MC2R: variants seen among roughly 807,000 people sequenced by gnomAD.
The protein encoded by MC2R is adrenocorticotropic hormone receptor.
MC2R carries 9 observed loss-of-function variants against 9.8 expected under a neutral mutation model. The ratio of observed to expected loss-of-function variants is 0.92; its 90% CI spans 0.55 to 1.60. MC2R has a LOEUF of 1.60. MC2R is among the 40% of genes most tolerant of loss of function. MC2R has a pLI of 0.00. For synonymous variants in MC2R, 185 were observed against 154.7 expected, an observed-to-expected ratio of 1.20 and a Z score of -1.45; for missense variants, 370 against 389.0, an observed-to-expected ratio of 0.95 and a Z score of 0.41.
intron 1 of MC2R, among the ~76,000 whole-genome samples, chr18:13,892,805 T>TACACACACACACAAACAC (rs1249337026): frequency 2.0e-5 from 3 of 147,106 alleles, no homozygotes; most frequent in African/African-American, 7.6e-5. Context: ...CATAATCTGT[T>TACACACACACACAAACAC]ACACACACAC....
At chr18:13,900,283 G>A (rs2045371347) in intron 1 of MC2R, among the ~76,000 whole-genome samples, 1 of 151,766 alleles carries the variant, frequency 6.6e-6, no homozygotes, top group African/African-American at 2.4e-5. Context: ...CCAAAAGCAG[G>A]GAACTAAATC....
intron 1 of MC2R, among the ~76,000 whole-genome samples, chr18:13,913,270 C>T (rs1344384911): frequency 3.9e-5 from 6 of 152,162 alleles, no homozygotes; most frequent in Non-Finnish European, 7.3e-5. Flanking sequence ...TCACATCTCC[C>T]GTCCTCTGAG....
rs1184742488 is a variant in MC2R at position 13,883,685 on chromosome 18, T to C, written c.*940A>G. The C allele has an allele frequency of 6.6e-6, 1 of 151,430 alleles. No individual in the cohort carries two copies. The highest frequency in any genetic ancestry group is 1.5e-5 in the Non-Finnish European group (1 of 67,990). The allele number at this position is 151,430 out of a possible 1,614,324, so 9.4% of individuals were successfully genotyped here. ...CTGTCTCTGTCTCTCTCTCTTTATT[T>C]CTTAAAATACATGTTGGGGCTCTTT... On this transcript the variant is annotated 3_prime_UTR_variant, in exon 2 of 2. Coordinates refer to ENST00000327606, the MANE Select transcript of MC2R (RefSeq NM_000529.2).
At chr18:13,896,193 C>T (rs1477990239) in intron 1 of MC2R, among the ~76,000 whole-genome samples, 1 of 152,012 alleles carries the variant, frequency 6.6e-6, no homozygotes, top group Non-Finnish European at 1.5e-5. Flanking sequence ...AAGTATAAGG[C>T]CAAGATTCTC....
In MC2R at chr18:13,903,506, C is replaced by T. The variant is rs547042981; in HGVS notation, c.-129+11982G>A. ...TACATATACAAAATGGAGTACTTTA[C>T]AGCCATAAAAATAATGAGATCCTGT... On this transcript the variant is annotated intron_variant, in intron 1 of 1. Transcript: ENST00000327606. Among the ~76,000 whole-genome samples, 3 of 152,246 alleles carry T rather than the reference C, an allele frequency of 2.0e-5. No homozygotes were observed. The South Asian group carries it at 6.2e-4, about 32-fold the overall frequency.
At chr18:13,898,499 A>G (rs912969367) in intron 1 of MC2R, among the ~76,000 whole-genome samples, 1 of 152,174 alleles carries the variant, frequency 6.6e-6, no homozygotes, top group African/African-American at 2.4e-5. Flanking sequence ...CCACCTGCGG[A>G]TTGTAGAGCC....
chr18:13,890,108 G>T (rs904721715), intron 1 of MC2R, among the ~76,000 whole-genome samples: 29 of 152,160 alleles, frequency 1.9e-4, no homozygotes, highest in African/African-American at 6.0e-4. Flanking sequence ...AATCAGGATG[G>T]TTTTAAATCT....
chr18:13,907,202 C>A (rs1220401757), intron 1 of MC2R, among the ~76,000 whole-genome samples: 1 of 152,110 alleles, frequency 6.6e-6, no homozygotes, highest in East Asian at 1.9e-4. Flanking sequence ...GAATAAATAA[C>A]CCAGCTATAA....
intron 1 of MC2R, among the ~76,000 whole-genome samples, chr18:13,901,791 T>G (rs1257236134): frequency 6.6e-6 from 1 of 152,172 alleles, no homozygotes; most frequent in Non-Finnish European, 1.5e-5. Context: ...ACTGCTGAAT[T>G]CTACTGAACA....
chr18:13,882,884 A>G lies in MC2R; in HGVS notation c.*1741T>C, dbSNP rs1008381393. 6.6e-6 allele frequency: 1 copy of G among 152,230 alleles called. No individual in the cohort carries two copies. Among genetic ancestry groups the G allele is most frequent in the African/African-American group, 2.4e-5 (1 of 41,462 alleles). The allele number at this position is 152,230 out of a possible 1,614,324, so 9.4% of individuals were successfully genotyped here. A position where few individuals can be genotyped will look rare whatever the true frequency, so the allele number is the denominator to read the frequency against. On this transcript the variant is annotated 3_prime_UTR_variant, in exon 2 of 2. Transcript: ENST00000327606. ...TAATACAGGTTAGTATTAGAGTAAC[A>G]TAGTTCATTTGGCAGGGGAAGGATC... is the stretch of plus-strand genomic sequence containing the variant.
intron 1 of MC2R, among the ~76,000 whole-genome samples, chr18:13,912,662 CG>C (rs1329968974): frequency 6.6e-6 from 1 of 152,200 alleles, no homozygotes; most frequent in African/African-American, 2.4e-5. Context: ...TGAATTTCTA[CG>C]TTGTTTTCTG....
rs140595875 is a variant in MC2R at position 13,894,288 on chromosome 18, C to T, written c.-128-8642G>A. On this transcript the variant is annotated intron_variant, in intron 1 of 1. Transcript: ENST00000327606. ...TCCCACAACATAGCTGTGAGACAGGCGATCTTTTGGGTATTACTAGAGAGT... is the reference window on the plus strand; with the variant it reads ...TCCCACAACATAGCTGTGAGACAGGTGATCTTTTGGGTATTACTAGAGAGT... Among the ~76,000 whole-genome samples, 390 of 152,182 alleles carry T rather than the reference C, an allele frequency of 2.6e-3. 1 individual carries two copies. The highest frequency in any genetic ancestry group is 9.0e-3 in the African/African-American group (374 of 41,502).
At chr18:13,907,096 G>T (rs2045418504) in intron 1 of MC2R, among the ~76,000 whole-genome samples, 1 of 152,174 alleles carries the variant, frequency 6.6e-6, no homozygotes, top group Non-Finnish European at 1.5e-5. Context: ...AAAGTTGGAG[G>T]AATCACAGTA....
Position 13,884,091 on chromosome 18 carries a change from A to G in MC2R, c.*534T>C, listed in dbSNP as rs543632552. On this transcript the variant is annotated 3_prime_UTR_variant, in exon 2 of 2. Transcript: ENST00000327606. The stretch of plus-strand genomic sequence containing the variant: ...GTGGGAGACAGACAAATTCAGCTGC[A>G]GCAATGCATTCCTTCCAATTTATTA... 5.4e-5 allele frequency: 9 copies of G among 166,798 alleles called. No homozygotes were observed. In the South Asian group the frequency reaches 9.7e-4, roughly 18 times the overall value. 10.3% of individuals were successfully genotyped at this position (166,798 alleles called of 1,614,324 possible).
intron 1 of MC2R, among the ~76,000 whole-genome samples, chr18:13,897,243 A>C (rs1167027735): frequency 1.3e-5 from 2 of 152,174 alleles, no homozygotes; most frequent in Non-Finnish European, 2.9e-5. Flanking sequence ...CATTGAACTC[A>C]GTGGTGTCTT....
rs536335374 is a variant in MC2R, at chr18:13,884,757, G to A, written c.762C>T (p.Tyr254=). Residue 254 remains tyrosine (Y), a synonymous_variant, in exon 2 of 2, where the codon TAC becomes TAT. Transcript: ENST00000327606. ...TGCCGTTCACCTGGAAGAGAGACAT[G>A]TAGCAGGCGCAGTAGGGGTTACTTG... The part of the protein sequence containing the change: ...FCPSNPYCAC[Y]MSLFQVNGML... The A allele has an allele frequency of 1.1e-5, 18 of 1,614,074 alleles. 1 individual carries two copies. The highest frequency in any genetic ancestry group is 1.1e-4 in the South Asian group (10 of 91,080).
chr18:13,888,715 T>A lies in MC2R; in HGVS notation c.-128-3069A>T, dbSNP rs553467205. Reference sequence around the variant, plus strand: ...GCCAAGTAGGATTTGTAAATTCTGCTGCATTGCTATGCTCCTGTTGTTCCT... The same window carrying A: ...GCCAAGTAGGATTTGTAAATTCTGCAGCATTGCTATGCTCCTGTTGTTCCT... On this transcript the variant is annotated intron_variant, in intron 1 of 1. Transcript: ENST00000327606. 7.6e-4 allele frequency among the ~76,000 whole-genome samples: 116 copies of A among 152,362 alleles called. No homozygotes were observed. In the South Asian group the frequency reaches 0.023, roughly 30 times the overall value.
chr18:13,908,799 A>C (rs2045428571), intron 1 of MC2R, among the ~76,000 whole-genome samples: 1 of 150,982 alleles, frequency 6.6e-6, no homozygotes, highest in Non-Finnish European at 1.5e-5. Context: ...GGTGGTTATC[A>C]CTGGGTGGTA....
At chr18:13,893,398 A>G (rs1210125331) in intron 1 of MC2R, among the ~76,000 whole-genome samples, 1 of 152,096 alleles carries the variant, frequency 6.6e-6, no homozygotes, top group Non-Finnish European at 1.5e-5. Flanking sequence ...TTCTGCTTTG[A>G]AGCTGGTTGA....
Sources: allele counts gnomAD v4.1 joint callset (sites outside exome capture counted in the v4.1 genomes callset), GRCh38; gene constraint gnomAD v4.1.1; transcripts MANE v1.5; gene names NCBI Gene and HGNC (gene_info 2026-07-23, HGNC 2026-07-21).